The following GABBR1 variants were observed in gnomAD, a reference collection of about 807,000 sequenced individuals.
The protein encoded by GABBR1 is GABA-B receptor, R1 subunit.
GABBR1 carries 35 observed loss-of-function variants against 117.7 expected under a neutral mutation model. That is an observed-to-expected ratio of 0.30 (90% CI 0.23 to 0.39). The LOEUF (loss-of-function observed/expected upper bound fraction) is 0.39, where lower values mean the gene tolerates loss of function less well. Ranked by LOEUF, GABBR1 falls within the 10% of genes least tolerant of loss-of-function variation. The pLI is 1.00. For synonymous variants in GABBR1, 442 were observed against 486.6 expected, an observed-to-expected ratio of 0.91 and a Z score of 1.21; for missense variants, 709 against 1,241.8, an observed-to-expected ratio of 0.57 and a Z score of 6.45.
In GABBR1 at chr6:29,609,152, T is replaced by C; in HGVS notation, c.1859+77A>G. 2 of 1,440,046 alleles carry C rather than the reference T, an allele frequency of 1.4e-6. No individual in the cohort carries two copies. Among genetic ancestry groups the C allele is most frequent in the African/African-American group, 2.8e-5 (2 of 71,122 alleles). The allele number at this position is 1,440,046 out of a possible 1,614,324, so 89.2% of individuals were successfully genotyped here. On this transcript the variant is annotated intron_variant, in intron 15 of 22. Coordinates refer to ENST00000377034, the MANE Select transcript of GABBR1 (RefSeq NM_001470.4). The surrounding 1 kb of genome is among the most constrained non-coding windows in gnomAD (Gnocchi z 4.3). The stretch of plus-strand genomic sequence containing the variant: ...ACATGGCCATGGGAGTTACACAGGT[T>C]TTATTCTCATCCTGTCCAGGAACAT...
rs1171179627 is a variant in GABBR1 at position 29,632,619 on chromosome 6, G to A, written c.-1+231C>T. 8 of 1,306,758 alleles carry A rather than the reference G, an allele frequency of 6.1e-6. No homozygotes were observed. The highest frequency in any genetic ancestry group is 2.3e-5 in the Admixed American group (1 of 42,632). 80.9% of individuals were successfully genotyped at this position (1,306,758 alleles called of 1,614,324 possible). A position where few individuals can be genotyped will look rare whatever the true frequency, so the allele number is the denominator to read the frequency against. On this transcript the variant is annotated intron_variant, in intron 1 of 22. Transcript: ENST00000377034. This position sits in a 1 kb window ranked among gnomAD's most constrained non-coding sequence, Gnocchi z 5.8. ...GCCTCCCTCGGCCCCCAACCCTCCCGGGACTCCACCTCTCACCACCTCCTC... is the reference window on the plus strand; with the variant it reads ...GCCTCCCTCGGCCCCCAACCCTCCCAGGACTCCACCTCTCACCACCTCCTC...
At chr6:29,616,944 G>T (rs1342095050) in intron 11 of GABBR1, among the ~76,000 whole-genome samples, 3 of 137,556 alleles carry the variant, frequency 2.2e-5, no homozygotes, top group Non-Finnish European at 4.6e-5. Context: ...TCAGGAGATC[G>T]AGACCATCCT....
chr6:29,610,801 G>A, intron 14 of GABBR1, 123 bp downstream of exon 14: 1 of 787,162 alleles, frequency 1.3e-6, no homozygotes. Flanking sequence ...CCTTTCTCCT[G>A]GCCCAGCTGC....
chr6:29,612,473 G>A, intron 13 of GABBR1, 78 bp downstream of exon 13: 1 of 1,219,144 alleles, frequency 8.2e-7, no homozygotes, highest in Non-Finnish European at 1.2e-6. Context: ...GATGTCTCTG[G>A]CATTCTTCCC....
chr6:29,619,623 G>A (rs553629787), intron 11 of GABBR1, among the ~76,000 whole-genome samples: 1 of 151,682 alleles, frequency 6.6e-6, no homozygotes, highest in Non-Finnish European at 1.5e-5. Flanking sequence ...CCAAGGTGCT[G>A]GGGACTACAG....
At position 29,627,369 on chromosome 6, in the gene GABBR1, G is replaced by T; in HGVS notation, c.657+117C>A. ...AGCCCATCTCCTGCCAGTCACACAA[G>T]GGAGGGGTCTGCCTCGCAATCCCAG... On this transcript the variant is annotated intron_variant, in intron 6 of 22. Coordinates refer to ENST00000377034, the MANE Select transcript of GABBR1 (RefSeq NM_001470.4). This position sits in a 1 kb window ranked among gnomAD's most constrained non-coding sequence, Gnocchi z 4.4. 9.5e-7 allele frequency: 1 copy of T among 1,049,442 alleles called. No individual in the cohort carries two copies. The highest frequency in any genetic ancestry group is 1.4e-6 in the Non-Finnish European group (1 of 724,492). The allele number at this position is 1,049,442 out of a possible 1,614,324, so 65.0% of individuals were successfully genotyped here.
rs909645836 is a variant in GABBR1, at chr6:29,602,440, T to C, written c.*1103A>G. ...CCCACTTATTTTTCCTTAATTCCCCTCAAAAAAACACAAAACAAAAGGGAG... is the reference window on the plus strand; with the variant it reads ...CCCACTTATTTTTCCTTAATTCCCCCCAAAAAAACACAAAACAAAAGGGAG... On this transcript the variant is annotated 3_prime_UTR_variant, in exon 23 of 23. Transcript: ENST00000377034. 3.9e-5 allele frequency: 6 copies of C among 154,728 alleles called. No homozygotes were observed. Among genetic ancestry groups the C allele is most frequent in the Non-Finnish European group, 7.2e-5 (5 of 69,656 alleles). The allele number at this position is 154,728 out of a possible 1,614,324, so 9.6% of individuals were successfully genotyped here. A position where few individuals can be genotyped will look rare whatever the true frequency, so the allele number is the denominator to read the frequency against.
chr6:29,607,150 C>A lies in GABBR1; in HGVS notation c.2061G>T (p.Trp687Cys), dbSNP rs1316358200. 1 of 1,614,012 alleles carries A rather than the reference C, an allele frequency of 6.2e-7. No homozygotes were observed. The highest frequency in any genetic ancestry group is 1.3e-5 in the African/African-American group (1 of 74,880). The stretch of plus-strand genomic sequence containing the variant: ...CCTTCTTTGTGAAGACCGTGTGGAC[C>A]CACCAAATCTTGGTGAACATGGAAC... The part of the protein sequence containing the change: ...GYGSMFTKIW[W>C]VHTVFTKKEE... Residue 687 changes from tryptophan (W) to cysteine (C), a missense_variant, in exon 17 of 23, where the codon TGG (tryptophan) becomes TGT (cysteine). Physicochemically the swap from Trp to Cys is radical, Grantham distance 215. Around this residue, in one of 9 missense-constraint regions of GABBR1, gnomAD observed 251 missense variants for 445.3 expected, o/e 0.56. Transcript: ENST00000377034. The surrounding 1 kb of genome is among the most constrained non-coding windows in gnomAD (Gnocchi z 5.0).
intron 15 of GABBR1, 59 bp from the exon 16 acceptor site, chr6:29,608,792 G>A (rs1762230253): frequency 1.3e-6 from 2 of 1,577,140 alleles, no homozygotes; most frequent in Non-Finnish European, 8.6e-7. Flanking sequence ...CTCCAGGGAG[G>A]CTGAGCTCTC....
chr6:29,627,740 C>A lies in GABBR1; in HGVS notation c.497-94G>T, dbSNP rs1335235274. 2 of 1,505,832 alleles carry A rather than the reference C, an allele frequency of 1.3e-6. No homozygotes were observed. The highest frequency in any genetic ancestry group is 2.2e-5 in the Admixed American group (1 of 45,310). The allele number at this position is 1,505,832 out of a possible 1,614,324, so 93.3% of individuals were successfully genotyped here. On this transcript the variant is annotated intron_variant, in intron 5 of 22. Transcript: ENST00000377034. The surrounding 1 kb of genome is among the most constrained non-coding windows in gnomAD (Gnocchi z 4.4). Reference sequence around the variant, plus strand: ...GGAGCCACCCCTGCCGCCATCACAACCAGAAGCGGCAGTGGCCACCCCACC... The same window carrying A: ...GGAGCCACCCCTGCCGCCATCACAAACAGAAGCGGCAGTGGCCACCCCACC...
At chr6:29,615,789 C>T (rs748276730) in intron 11 of GABBR1, among the ~76,000 whole-genome samples, 30 of 152,094 alleles carry the variant, frequency 2.0e-4, no homozygotes, top group Non-Finnish European at 4.3e-4. Context: ...CAGACTTGGC[C>T]TGGGCACGGA....
rs998057679 is a variant in GABBR1, at chr6:29,628,724, G to C, written c.496+363C>G. 5.9e-5 allele frequency among the ~76,000 whole-genome samples: 9 copies of C among 152,204 alleles called. No homozygotes were observed. The Middle Eastern group carries it at 0.01, about 173-fold the overall frequency. On this transcript the variant is annotated intron_variant, in intron 5 of 22. Transcript: ENST00000377034. Reference sequence around the variant, plus strand: ...TCCTAGGAGGCAGCAGGCTGGAAAAGGTTCCAGCGAAGGTCGCAAGGAACC... The same window carrying C: ...TCCTAGGAGGCAGCAGGCTGGAAAACGTTCCAGCGAAGGTCGCAAGGAACC...
In GABBR1 at chr6:29,632,486, C is replaced by A; in HGVS notation, c.1-101G>T. ...TGCCGGTTGCCTCGCAGGCTCCGAC[C>A]GGGCTCAGCCTGGGGACCAAGAGAG... On this transcript the variant is annotated intron_variant, in intron 1 of 22. Transcript: ENST00000377034. This position sits in a 1 kb window ranked among gnomAD's most constrained non-coding sequence, Gnocchi z 5.8. The A allele has an allele frequency of 9.2e-7, 1 of 1,083,512 alleles. No individual in the cohort carries two copies. The highest frequency in any genetic ancestry group is 1.2e-6 in the Non-Finnish European group (1 of 809,376). 67.1% of individuals were successfully genotyped at this position (1,083,512 alleles called of 1,614,324 possible).
chr6:29,603,696 T>C lies in GABBR1; in HGVS notation c.2733A>G (p.Glu911=). The change falls in exon 23 of 23, where the codon GAA becomes GAG. Residue 911 remains glutamate (E), a synonymous_variant. Coordinates refer to ENST00000377034, the MANE Select transcript of GABBR1 (RefSeq NM_001470.4). Reference sequence around the variant, plus strand: ...GCCGAGACTGGAGTTGATGGCGCAGTTCAGAGACACGCTCCTCTTTCTGGA... The same window carrying C: ...GCCGAGACTGGAGTTGATGGCGCAGCTCAGAGACACGCTCCTCTTTCTGGA... ...IIAEKEERVS[E]LRHQLQSRQQ... 2 of 1,496,074 alleles carry C rather than the reference T, an allele frequency of 1.3e-6. No individual in the cohort carries two copies. The highest frequency in any genetic ancestry group is 1.8e-6 in the Non-Finnish European group (2 of 1,125,866). 92.7% of individuals were successfully genotyped at this position (1,496,074 alleles called of 1,614,324 possible).
Position 29,629,281 on chromosome 6 carries a change from G to C in GABBR1, c.476-174C>G, listed in dbSNP as rs764666155. The C allele has an allele frequency of 4.4e-5, 32 of 733,508 alleles. 1 individual carries two copies. The Middle Eastern group carries it at 1.1e-3, about 26-fold the overall frequency. 45.4% of individuals were successfully genotyped at this position (733,508 alleles called of 1,614,324 possible). On this transcript the variant is annotated intron_variant, in intron 4 of 22. Transcript: ENST00000377034. The stretch of plus-strand genomic sequence containing the variant: ...AAGAACAAGGTGGGTCTGGGGGTAA[G>C]GGGGTCAGGACTTATTTTCTTCTTC...
Position 29,602,630 on chromosome 6 carries a change from G to A in GABBR1, c.*913C>T. ...AAAGTGCATAACAATGTGCAGGGTAGGGTACATATGGCTCTGTCAGAAGAA... is the reference window on the plus strand; with the variant it reads ...AAAGTGCATAACAATGTGCAGGGTAAGGTACATATGGCTCTGTCAGAAGAA... On this transcript the variant is annotated 3_prime_UTR_variant, in exon 23 of 23. Transcript: ENST00000377034. The A allele has an allele frequency of 4.0e-6, 1 of 252,064 alleles. No homozygotes were observed. Among genetic ancestry groups the A allele is most frequent in the Non-Finnish European group, 7.8e-6 (1 of 128,290 alleles). The allele number at this position is 252,064 out of a possible 1,614,324, so 15.6% of individuals were successfully genotyped here. A position where few individuals can be genotyped will look rare whatever the true frequency, so the allele number is the denominator to read the frequency against.
chr6:29,632,593 T>A lies in GABBR1; in HGVS notation c.1-208A>T. 7 of 1,061,030 alleles carry A rather than the reference T, an allele frequency of 6.6e-6. No individual in the cohort carries two copies. Among genetic ancestry groups the A allele is most frequent in the Non-Finnish European group, 9.2e-6 (7 of 763,206 alleles). The allele number at this position is 1,061,030 out of a possible 1,614,324, so 65.7% of individuals were successfully genotyped here. ...AGAAAGCCTGTCCCCACCCTCCTCC[T>A]GCCTCCCTCGGCCCCCAACCCTCCC... On this transcript the variant is annotated intron_variant, in intron 1 of 22. Transcript: ENST00000377034. This position sits in a 1 kb window ranked among gnomAD's most constrained non-coding sequence, Gnocchi z 5.8.
At chr6:29,624,293 C>G (rs893244733) in intron 6 of GABBR1, 1 of 325,114 alleles carries the variant, frequency 3.1e-6, no homozygotes, top group Non-Finnish European at 5.7e-6. Context: ...AACATACCAC[C>G]TTACCTCCTT....
In GABBR1 at chr6:29,609,084, C is replaced by T. The variant is rs1762263194; in HGVS notation, c.1859+145G>A. ...AGGAGTGGGGGTTATATCTGGTTTC[C>T]CTGTTTTCATTCTCAACAAGTCAGA... On this transcript the variant is annotated intron_variant, in intron 15 of 22. Transcript: ENST00000377034. The surrounding 1 kb of genome is among the most constrained non-coding windows in gnomAD (Gnocchi z 4.3). The T allele has an allele frequency of 1.2e-6, 1 of 818,542 alleles. No homozygotes were observed. The highest frequency in any genetic ancestry group is 1.7e-5 in the African/African-American group (1 of 57,830). 50.7% of individuals were successfully genotyped at this position (818,542 alleles called of 1,614,324 possible).
Sources: allele counts gnomAD v4.1 joint callset (sites outside exome capture counted in the v4.1 genomes callset), GRCh38; gene constraint gnomAD v4.1.1; regional missense constraint gnomAD v4.1.1; non-coding constraint Gnocchi (gnomAD v3.1); transcripts MANE v1.5; gene names NCBI Gene and HGNC (gene_info 2026-07-23, HGNC 2026-07-21).